The following C8orf34 variants were observed in gnomAD, a reference collection of about 807,000 sequenced individuals.
C8orf34 encodes uncharacterized protein C8orf34.
In C8orf34, 65 loss-of-function variants were observed where a neutral mutation model predicts 68.3. The observed-to-expected ratio is 0.95, with a 90% CI of 0.78 to 1.17. The LOEUF is 1.17. C8orf34 is among the 50% of genes most tolerant of loss of function. The pLI, the probability that C8orf34 is intolerant of heterozygous loss-of-function variation, is 0.00. For synonymous variants in C8orf34, 244 were observed against 241.2 expected, an observed-to-expected ratio of 1.01 and a Z score of -0.11; for missense variants, 664 against 655.4, an observed-to-expected ratio of 1.01 and a Z score of -0.14.
intron 11 of C8orf34, among the ~76,000 whole-genome samples, chr8:68,777,467 C>T (rs1261996241): frequency 6.6e-6 from 1 of 152,212 alleles, no homozygotes; most frequent in Non-Finnish European, 1.5e-5. Context: ...TGTAAATGCT[C>T]AATGTGGCAA....
chr8:68,620,797 C>T (rs1213467128), intron 7 of C8orf34, among the ~76,000 whole-genome samples: 4 of 149,834 alleles, frequency 2.7e-5, no homozygotes, highest in African/African-American at 9.8e-5. Context: ...TTTTTTTTTC[C>T]CCCATTACCC....
At chr8:68,349,430 C>G (rs1394259627) in intron 1 of C8orf34, among the ~76,000 whole-genome samples, 1 of 151,478 alleles carries the variant, frequency 6.6e-6, no homozygotes, top group African/African-American at 2.4e-5. Flanking sequence ...TTGGCTTGAA[C>G]TTTTTCTTTT....
intron 1 of C8orf34, among the ~76,000 whole-genome samples, chr8:68,367,586 C>A (rs1807332226): frequency 9.5e-6 from 1 of 104,860 alleles, no homozygotes; most frequent in Non-Finnish European, 1.9e-5. Flanking sequence ...ATGATGAGTT[C>A]ATGTCCTTTG....
chr8:68,482,891 T>C (rs1307726602), intron 4 of C8orf34, among the ~76,000 whole-genome samples: 1 of 152,206 alleles, frequency 6.6e-6, no homozygotes, highest in East Asian at 1.9e-4. Flanking sequence ...TTATATGCTC[T>C]ATTTTTGTAT....
At chr8:68,349,187 A>T (rs1806405456) in intron 1 of C8orf34, among the ~76,000 whole-genome samples, 1 of 151,952 alleles carries the variant, frequency 6.6e-6, no homozygotes, top group Non-Finnish European at 1.5e-5. Context: ...AACAGGAAGG[A>T]GTATTGAATT....
intron 4 of C8orf34, among the ~76,000 whole-genome samples, chr8:68,473,257 G>C (rs1812458068): frequency 6.6e-6 from 1 of 152,118 alleles, no homozygotes; most frequent in Non-Finnish European, 1.5e-5. Flanking sequence ...CCACTGCCGA[G>C]TGCATCAGAT....
chr8:68,782,796 G>A (rs184066512), intron 11 of C8orf34, among the ~76,000 whole-genome samples: 64 of 152,132 alleles, frequency 4.2e-4, no homozygotes, highest in African/African-American at 1.3e-3. Flanking sequence ...GGTGGCTCAC[G>A]CCTGTAATCC....
At chr8:68,391,704 T>C (rs1808485754) in intron 1 of C8orf34, among the ~76,000 whole-genome samples, 1 of 152,190 alleles carries the variant, frequency 6.6e-6, no homozygotes, top group Admixed American at 6.5e-5. Context: ...TATTTCTCAC[T>C]CACACTCCAT....
chr8:68,447,871 C>T (rs912925549), intron 3 of C8orf34: 1 of 152,082 alleles, frequency 6.6e-6, no homozygotes, highest in Non-Finnish European at 1.5e-5. Context: ...AGAATTAGGT[C>T]CCAACATTTT....
At chr8:68,528,891 C>T (rs1815127817) in intron 6 of C8orf34, among the ~76,000 whole-genome samples, 1 of 152,188 alleles carries the variant, frequency 6.6e-6, no homozygotes, top group Non-Finnish European at 1.5e-5. Flanking sequence ...CTCTGTGCAC[C>T]TGGCTTATCT....
At chr8:68,483,682 G>A (rs1360386494) in intron 4 of C8orf34, among the ~76,000 whole-genome samples, 1 of 152,176 alleles carries the variant, frequency 6.6e-6, no homozygotes, top group Non-Finnish European at 1.5e-5. Flanking sequence ...AGTTGCTTTA[G>A]CCTGCGCACA....
intron 10 of C8orf34, among the ~76,000 whole-genome samples, chr8:68,755,482 C>A (rs1244537462): frequency 6.6e-6 from 1 of 152,138 alleles, no homozygotes; most frequent in Non-Finnish European, 1.5e-5. Context: ...CATCTTCATA[C>A]CAATCCTATG....
intron 10 of C8orf34, among the ~76,000 whole-genome samples, chr8:68,770,070 A>G (rs1823296531): frequency 6.6e-6 from 1 of 152,222 alleles, no homozygotes; most frequent in Admixed American, 6.5e-5. Flanking sequence ...TTGCCAAGGC[A>G]GGAGACAGAA....
chr8:68,700,169 A>G (rs1420867201), intron 8 of C8orf34, among the ~76,000 whole-genome samples: 2 of 152,084 alleles, frequency 1.3e-5, no homozygotes, highest in African/African-American at 4.8e-5. Context: ...ACAAACAAAC[A>G]AAAAAACTAG....
At chr8:68,395,449 T>C (rs1315469941) in intron 1 of C8orf34, among the ~76,000 whole-genome samples, 7 of 151,908 alleles carry the variant, frequency 4.6e-5, no homozygotes, top group Non-Finnish European at 1.0e-4. Flanking sequence ...ACATCTGGAA[T>C]GGGGCCCCCT....
intron 10 of C8orf34, among the ~76,000 whole-genome samples, chr8:68,775,230 T>C (rs535529298): frequency 2.0e-4 from 30 of 152,224 alleles, no homozygotes; most frequent in Middle Eastern, 3.4e-3. Context: ...AGATAATATA[T>C]GTGTTGGTCA....
At chr8:68,772,719 C>CT (rs1265937841) in intron 10 of C8orf34, among the ~76,000 whole-genome samples, 6 of 98,782 alleles carry the variant, frequency 6.1e-5, no homozygotes, top group African/African-American at 1.9e-4. Context: ...TTCTTTCTTT[C>CT]TTTCTTTTTC....
intron 1 of C8orf34, among the ~76,000 whole-genome samples, chr8:68,408,040 G>A (rs1239421493): frequency 6.6e-6 from 1 of 152,056 alleles, no homozygotes; most frequent in Non-Finnish European, 1.5e-5. Flanking sequence ...GGTGAGTGGT[G>A]GGCAAACGAG....
At chr8:68,782,316 C>T (rs551077451) in intron 11 of C8orf34, among the ~76,000 whole-genome samples, 69 of 151,526 alleles carry the variant, frequency 4.6e-4, no homozygotes, top group Middle Eastern at 3.2e-3. Flanking sequence ...TGCTGTTTTT[C>T]GGTGTAGCTC....
Sources: allele counts gnomAD v4.1 joint callset (sites outside exome capture counted in the v4.1 genomes callset), GRCh38; gene constraint gnomAD v4.1.1; transcripts MANE v1.5; gene names NCBI Gene and HGNC (gene_info 2026-07-23, HGNC 2026-07-21).